GRK5: variants seen among roughly 807,000 people sequenced by gnomAD.
GRK5 encodes G protein-coupled receptor kinase 5, also known as g protein-coupled receptor kinase GRK5.
GRK5 carries 40 observed loss-of-function variants against 78.4 expected under a neutral mutation model. The observed-to-expected ratio is 0.51, with a 90% CI of 0.40 to 0.66. The LOEUF (loss-of-function observed/expected upper bound fraction) is 0.66. Ranked by LOEUF, GRK5 falls within the 30% of genes least tolerant of loss-of-function variation. The pLI is 0.00. For synonymous variants in GRK5, 289 were observed against 296.8 expected (o/e 0.97, Z 0.27); for missense variants, 598 against 759.9 (o/e 0.79, Z 2.50).
chr10:119,284,370 T>G (rs1479477649), intron 1 of GRK5, among the ~76,000 whole-genome samples: 1 of 152,182 alleles, frequency 6.6e-6, no homozygotes, highest in East Asian at 1.9e-4. Context: ...TGGGCTGGTC[T>G]CAAACAGTTC....
intron 1 of GRK5, among the ~76,000 whole-genome samples, chr10:119,260,624 C>A (rs1849366904): frequency 6.6e-6 from 1 of 151,954 alleles, no homozygotes. Context: ...AGCATGCTGC[C>A]TTCAAGCATC....
At position 119,376,561 on chromosome 10, in the gene GRK5, C is replaced by CTTT. The variant is rs3064490; in HGVS notation, c.149-4236_149-4234dup. Among the ~76,000 whole-genome samples, 165 of 104,302 alleles carry CTTT rather than the reference C, an allele frequency of 1.6e-3. 2 individuals carry two copies. Among genetic ancestry groups the CTTT allele is most frequent in the South Asian group, 5.1e-3 (15 of 2,926 alleles). 68.4% of individuals were successfully genotyped at this position (104,302 alleles called of 152,430 possible). ...CTCCCCATACCCTACTCCCTAATGC[C>CTTT]TTTTTTTTTTTTTTTTTTTTGAGAC... On this transcript the variant is annotated intron_variant, in intron 2 of 15. Coordinates refer to ENST00000392870, the MANE Select transcript of GRK5 (RefSeq NM_005308.3).
intron 1 of GRK5, among the ~76,000 whole-genome samples, chr10:119,291,886 T>G (rs1338484269): frequency 1.3e-5 from 2 of 150,498 alleles, no homozygotes; most frequent in East Asian, 4.0e-4. Flanking sequence ...CTCCTCCTCC[T>G]TCTGCTCATC....
intron 1 of GRK5, among the ~76,000 whole-genome samples, chr10:119,247,660 T>C (rs564547495): frequency 1.3e-5 from 2 of 152,330 alleles, no homozygotes; most frequent in African/African-American, 4.8e-5. Context: ...TGTTTGTTTG[T>C]TTTGCCCTCT....
At chr10:119,398,166 C>T (rs562686096) in intron 4 of GRK5, among the ~76,000 whole-genome samples, 1 of 152,130 alleles carries the variant, frequency 6.6e-6, no homozygotes, top group Non-Finnish European at 1.5e-5. Context: ...GACGAGGAGA[C>T]GTTCTCAGCA....
At chr10:119,347,350 C>T (rs1172303779) in intron 2 of GRK5, among the ~76,000 whole-genome samples, 5 of 150,268 alleles carry the variant, frequency 3.3e-5, no homozygotes, top group Non-Finnish European at 5.9e-5. Flanking sequence ...CATGTGTGTG[C>T]GTGTGTGTAC....
intron 2 of GRK5, among the ~76,000 whole-genome samples, chr10:119,352,021 A>G (rs1851193254): frequency 1.3e-5 from 2 of 152,200 alleles, no homozygotes; most frequent in African/African-American, 4.8e-5. Flanking sequence ...AAAGCTTCCT[A>G]GGGGAGGTGG....
At chr10:119,233,875 C>A (rs945738363) in intron 1 of GRK5, among the ~76,000 whole-genome samples, 2 of 152,184 alleles carry the variant, frequency 1.3e-5, no homozygotes, top group Non-Finnish European at 2.9e-5. Flanking sequence ...GAGACTCCAA[C>A]TGTAGCAAAG....
chr10:119,394,736 GGTGTGTGTGTGTCT>G (rs1310949767), intron 3 of GRK5, among the ~76,000 whole-genome samples: 18 of 18,266 alleles, frequency 9.9e-4, no homozygotes, highest in African/African-American at 1.7e-3. Flanking sequence ...TGTATGTTTG[GGTGTGTGTGTGTCT>G]GTGTGTGGGT....
chr10:119,263,417 TTG>T (rs372821826), intron 1 of GRK5, among the ~76,000 whole-genome samples: 1 of 152,082 alleles, frequency 6.6e-6, no homozygotes, highest in Non-Finnish European at 1.5e-5. Flanking sequence ...GGAATCTCAC[TTG>T]TGTGTGTGTG....
At chr10:119,387,804 C>T (rs1851825491) in intron 3 of GRK5, among the ~76,000 whole-genome samples, 1 of 152,176 alleles carries the variant, frequency 6.6e-6, no homozygotes, top group African/African-American at 2.4e-5. Context: ...AGATATGGAA[C>T]CAGATTCACC....
intron 1 of GRK5, among the ~76,000 whole-genome samples, chr10:119,240,091 C>T (rs1463234007): frequency 1.3e-5 from 2 of 151,936 alleles, no homozygotes; most frequent in African/African-American, 4.8e-5. Context: ...GAGGAATCAC[C>T]ACATTGTCTT....
chr10:119,429,910 C>A (rs2133893694), intron 6 of GRK5, among the ~76,000 whole-genome samples: 2 of 152,264 alleles, frequency 1.3e-5, no homozygotes, highest in Middle Eastern at 6.8e-3. Context: ...TCCTGCTGGG[C>A]AGACTGAGAT....
intron 2 of GRK5, among the ~76,000 whole-genome samples, chr10:119,352,204 A>G (rs893484836): frequency 1.3e-5 from 2 of 152,174 alleles, no homozygotes; most frequent in Non-Finnish European, 2.9e-5. Flanking sequence ...CTTCTGTGTC[A>G]TCAGGGTCCT....
chr10:119,343,492 G>A (rs74157664), intron 2 of GRK5, among the ~76,000 whole-genome samples: 4,244 of 152,342 alleles, frequency 0.028, 131 homozygotes, highest in African/African-American at 0.066. Context: ...TTGCTCACAG[G>A]CACAGATCTC....
rs1554903196 is a variant in GRK5 at position 119,290,367 on chromosome 10, A to AAAAAAAAAC, written c.53-36146_53-36145insAAAAACAAA. 7.3e-5 allele frequency among the ~76,000 whole-genome samples: 10 copies of AAAAAAAAAC among 137,486 alleles called. 1 individual carries two copies. The highest frequency in any genetic ancestry group is 9.5e-5 in the Non-Finnish European group (6 of 63,208). The allele number at this position is 137,486 out of a possible 152,430, so 90.2% of individuals were successfully genotyped here. A position where few individuals can be genotyped will look rare whatever the true frequency, so the allele number is the denominator to read the frequency against. ...GTCTCAAAAAAAAAAAAAAAAACAA[A>AAAAAAAAAC]AAACAACTCTGTCCCCTTCTCCCTG... On this transcript the variant is annotated intron_variant, in intron 1 of 15. Transcript: ENST00000392870.
At chr10:119,230,236 A>C (rs923700697) in intron 1 of GRK5, among the ~76,000 whole-genome samples, 3 of 152,192 alleles carry the variant, frequency 2.0e-5, no homozygotes, top group Admixed American at 6.5e-5. Flanking sequence ...CTGTAATCCT[A>C]GCACTTTGGG....
At chr10:119,300,628 C>G (rs17607173) in intron 1 of GRK5, among the ~76,000 whole-genome samples, 1 of 152,174 alleles carries the variant, frequency 6.6e-6, no homozygotes, top group Non-Finnish European at 1.5e-5. Context: ...TAATCACAGG[C>G]GGAACTAGGA....
chr10:119,448,897 A>G (rs146029178), intron 13 of GRK5, among the ~76,000 whole-genome samples: 1 of 152,314 alleles, frequency 6.6e-6, no homozygotes, highest in Non-Finnish European at 1.5e-5. Flanking sequence ...CAGAGGCCCA[A>G]GAGATGCAGA....
Sources: allele counts gnomAD v4.1 joint callset (sites outside exome capture counted in the v4.1 genomes callset), GRCh38; gene constraint gnomAD v4.1.1; transcripts MANE v1.5; gene names NCBI Gene and HGNC (gene_info 2026-07-23, HGNC 2026-07-21).